LIN28B: variants seen among roughly 807,000 people sequenced by gnomAD.
LIN28B encodes lin-28 RNA binding posttranscriptional regulator B.
A neutral mutation model predicts 21.9 loss-of-function variants in LIN28B; 5 were observed. The ratio of observed to expected loss-of-function variants is 0.23; its 90% confidence interval spans 0.12 to 0.48. LIN28B has a LOEUF of 0.48. LIN28B is among the 20% of genes least tolerant of loss of function. The pLI is 0.98. For missense variants in LIN28B, 245 were observed against 310.5 expected (o/e 0.79, Z 1.58); for synonymous variants, 109 against 111.3 (o/e 0.98, Z 0.13).
At chr6:105,041,624 A>G (rs955344208) in intron 3 of LIN28B, among the ~76,000 whole-genome samples, 3 of 152,206 alleles carry the variant, frequency 2.0e-5, no homozygotes, top group African/African-American at 7.2e-5. Context: ...GTTGTTTATC[A>G]TCTGACTGGA....
intron 2 of LIN28B, among the ~76,000 whole-genome samples, chr6:104,998,284 A>T (rs59666723): frequency 6.8e-4 from 103 of 152,344 alleles, no homozygotes; most frequent in African/African-American, 2.4e-3. Context: ...TATTTTATTC[A>T]TAAAGCATAA....
chr6:104,957,228 G>C lies in LIN28B; in HGVS notation c.-23G>C. 1 of 1,613,792 alleles carries C rather than the reference G, an allele frequency of 6.2e-7. No individual in the cohort carries two copies. Among genetic ancestry groups the C allele is most frequent in the Non-Finnish European group, 8.5e-7 (1 of 1,179,752 alleles). ...GGAAAGTTTTCATCTCACGAGTTTG[G>C]AGCTGAGGGCCCGTGGGGCAACATG... is the stretch of plus-strand genomic sequence containing the variant. On this transcript the variant is annotated 5_prime_UTR_variant, in exon 1 of 4. Transcript: ENST00000345080.
At chr6:105,034,504 GA>G (rs1437735706) in intron 3 of LIN28B, among the ~76,000 whole-genome samples, 1 of 151,974 alleles carries the variant, frequency 6.6e-6, no homozygotes, top group Non-Finnish European at 1.5e-5. Flanking sequence ...GAAGCTTGGG[GA>G]ATTTCTTTAG....
chr6:104,975,662 T>A (rs918832157), intron 2 of LIN28B, among the ~76,000 whole-genome samples: 1 of 152,020 alleles, frequency 6.6e-6, no homozygotes, highest in African/African-American at 2.4e-5. Context: ...TTTTCTTTTT[T>A]TTTGGACGCA....
intron 2 of LIN28B, among the ~76,000 whole-genome samples, chr6:104,958,889 T>C (rs1769648410): frequency 6.6e-6 from 1 of 152,202 alleles, no homozygotes; most frequent in African/African-American, 2.4e-5. Flanking sequence ...ATAAACATTT[T>C]AGAAATGTGC....
intron 2 of LIN28B, among the ~76,000 whole-genome samples, chr6:105,004,078 A>G (rs1770769848): frequency 6.6e-6 from 1 of 152,208 alleles, no homozygotes; most frequent in Non-Finnish European, 1.5e-5. Context: ...GAAGGCAGGA[A>G]GCATCCAGCA....
At chr6:105,023,578 T>A (rs868534623) in intron 2 of LIN28B, among the ~76,000 whole-genome samples, 2 of 48,654 alleles carry the variant, frequency 4.1e-5, no homozygotes, top group African/African-American at 1.9e-4. Context: ...ATATATATAA[T>A]ATATATTATA....
intron 2 of LIN28B, among the ~76,000 whole-genome samples, chr6:105,008,067 T>G (rs1031411907): frequency 6.6e-6 from 1 of 152,224 alleles, no homozygotes; most frequent in Non-Finnish European, 1.5e-5. Flanking sequence ...AACTTTAATT[T>G]TATTGCTGAC....
chr6:104,977,454 G>A (rs540422550), intron 2 of LIN28B, among the ~76,000 whole-genome samples: 23 of 152,160 alleles, frequency 1.5e-4, no homozygotes, highest in African/African-American at 4.8e-4. Flanking sequence ...ATCATAGACC[G>A]TCTTCTATTA....
chr6:104,958,366 G>C, intron 2 of LIN28B, 80 bp downstream of exon 2: 6 of 1,124,416 alleles, frequency 5.3e-6, no homozygotes, highest in Non-Finnish European at 6.3e-6. Context: ...ATAGACGTAC[G>C]ATAAGATGTC....
chr6:104,947,185 C>A (rs771557125), intron 2 of LIN28B, among the ~76,000 whole-genome samples: 1 of 152,012 alleles, frequency 6.6e-6, no homozygotes, highest in Non-Finnish European at 1.5e-5. Context: ...AGTGGAGTGG[C>A]GGGATCTTGG....
At chr6:105,044,108 T>C (rs897825841) in intron 3 of LIN28B, among the ~76,000 whole-genome samples, 2 of 152,192 alleles carry the variant, frequency 1.3e-5, no homozygotes, top group African/African-American at 2.4e-5. Context: ...CTATTAACTT[T>C]TAAATCCATC....
At position 105,012,097 on chromosome 6, in the gene LIN28B, G is replaced by T. The variant is rs184861645; in HGVS notation, c.199-14201G>T. Among the ~76,000 whole-genome samples the T allele has an allele frequency of 8.8e-3, 1,344 of 152,170 alleles. 19 individuals carry two copies. The highest frequency in any genetic ancestry group is 0.031 in the African/African-American group (1,282 of 41,490). The stretch of plus-strand genomic sequence containing the variant: ...TGCTTCAACCCAGGAGGCAGAGGTT[G>T]CAGTGAGCCGAGATTGCGCCACTGC... On this transcript the variant is annotated intron_variant, in intron 2 of 3. Coordinates refer to ENST00000345080, the MANE Select transcript of LIN28B (RefSeq NM_001004317.4).
At chr6:104,989,698 A>G (rs1322452684) in intron 2 of LIN28B, among the ~76,000 whole-genome samples, 12 of 108,950 alleles carry the variant, frequency 1.1e-4, no homozygotes, top group Non-Finnish European at 2.2e-4. Context: ...GTCTCAAGCA[A>G]TTCTCATGCC....
intron 3 of LIN28B, among the ~76,000 whole-genome samples, chr6:105,039,780 G>C (rs1771595803): frequency 6.6e-6 from 1 of 152,018 alleles, no homozygotes; most frequent in South Asian, 2.1e-4. Flanking sequence ...ATGCTATTTT[G>C]AATGAATTTT....
intron 1 of LIN28B, 83 bp from the exon 2 acceptor site, chr6:104,958,016 A>C: frequency 2.9e-6 from 3 of 1,027,970 alleles, no homozygotes; most frequent in Non-Finnish European, 4.0e-6. Context: ...CCCCAACCCC[A>C]GGCAGGCAAT....
At chr6:104,955,780 G>T (rs1035801660), upstream of LIN28B, among the ~76,000 whole-genome samples, 5 of 150,932 alleles carry the variant, frequency 3.3e-5, no homozygotes, top group Admixed American at 6.6e-5. Flanking sequence ...TGGGGGGTGG[G>T]GTAGGCAAGT....
In LIN28B at chr6:105,077,910, A is replaced by G. The variant is rs539483766; in HGVS notation, c.384-504A>G. Among the ~76,000 whole-genome samples the G allele has an allele frequency of 2.6e-5, 4 of 152,362 alleles. No individual in the cohort carries two copies. The South Asian group carries it at 8.3e-4, about 32-fold the overall frequency. On this transcript the variant is annotated intron_variant, in intron 3 of 3. Transcript: ENST00000345080. The stretch of plus-strand genomic sequence containing the variant: ...TCCAGTTTAGCTGGTTTCTACAGTC[A>G]AAATAATTAACATTCAAAGAAGTGT...
At chr6:104,990,608 C>G (rs942731338) in intron 2 of LIN28B, among the ~76,000 whole-genome samples, 1 of 148,216 alleles carries the variant, frequency 6.7e-6, no homozygotes, top group Non-Finnish European at 1.5e-5. Context: ...GTGTTTCTCG[C>G]AGAGGGGGAT....
Sources: gnomAD v4.1 joint callset for allele counts (sites outside exome capture counted in the v4.1 genomes callset) on GRCh38, gnomAD v4.1.1 for gene constraint, MANE v1.5 for transcripts, NCBI Gene and HGNC (gene_info 2026-07-23, HGNC 2026-07-21) for gene names.